SDK2: variants seen among roughly 807,000 people sequenced by gnomAD.
The protein encoded by SDK2 is sidekick cell adhesion molecule 2.
Under a neutral mutation model 253.9 loss-of-function variants are expected in SDK2, and 105 were observed. The observed-to-expected ratio is 0.41, with a 90% CI of 0.35 to 0.49. The LOEUF (loss-of-function observed/expected upper bound fraction) is 0.49, where lower values mean the gene tolerates loss of function less well. SDK2 is among the 20% of genes least tolerant of loss of function. The pLI, the probability that SDK2 is intolerant of heterozygous loss-of-function variation, is 0.06. For missense variants in SDK2, 2,608 were observed against 3,003.0 expected, an observed-to-expected ratio of 0.87 and a Z score of 3.07; for synonymous variants, 1,249 against 1,234.9, an observed-to-expected ratio of 1.01 and a Z score of -0.24.
Position 73,422,434 on chromosome 17 carries a change from T to A in SDK2, c.1898A>T (p.Asn633Ile), listed in dbSNP as rs1303580981. The change falls in exon 15 of 45, where the codon AAT (asparagine) becomes ATT (isoleucine). Residue 633 changes from asparagine (N) to isoleucine (I), a missense_variant and splice_region_variant. By Grantham distance (149) the Asn-to-Ile change is moderately radical (BLOSUM62 -3). Coordinates refer to ENST00000392650, the MANE Select transcript of SDK2 (RefSeq NM_001144952.2). ...GGCCAGGAGTACAGTCCAGGGGGCATCTGCAGGGACAGTGAGTGGGGCAGA... is the reference window on the plus strand; with the variant it reads ...GGCCAGGAGTACAGTCCAGGGGGCAACTGCAGGGACAGTGAGTGGGGCAGA... ...IRYILEMSEN[N>I]APWTVLLASV... 1 of 1,613,708 alleles carries A rather than the reference T, an allele frequency of 6.2e-7. No homozygotes were observed. Among genetic ancestry groups the A allele is most frequent in the South Asian group, 1.1e-5 (1 of 91,064 alleles).
intron 24 of SDK2, among the ~76,000 whole-genome samples, chr17:73,396,549 G>A (rs920233619): frequency 1.3e-5 from 2 of 152,280 alleles, no homozygotes; most frequent in South Asian, 2.1e-4. Flanking sequence ...TAGTGAAGCC[G>A]ACCAAAGACC....
Position 73,436,828 on chromosome 17 carries a change from T to C in SDK2, c.1000+911A>G, listed in dbSNP as rs561698626. On this transcript the variant is annotated intron_variant, in intron 8 of 44. Transcript: ENST00000392650. ...TCATAATTTAATTGGCTGCCTTTTT[T>C]CTTTCTTAGTGGTCCATAAAATAAT... is the stretch of plus-strand genomic sequence containing the variant. Among the ~76,000 whole-genome samples, 11 of 152,306 alleles carry C rather than the reference T, an allele frequency of 7.2e-5. No homozygotes were observed. The East Asian group carries it at 2.1e-3, about 29-fold the overall frequency.
At position 73,379,163 on chromosome 17, in the gene SDK2, C is replaced by G; in HGVS notation, c.4980+14G>C. The G allele has an allele frequency of 3.9e-6, 6 of 1,548,132 alleles. No individual in the cohort carries two copies. The highest frequency in any genetic ancestry group is 5.2e-6 in the Non-Finnish European group (6 of 1,143,298). ...CATCCGTGCACCCCTTTGCTCTGCC[C>G]GAGGGCACCCTACCTTGTACCCCTG... On this transcript the variant is annotated intron_variant, in intron 36 of 44. Coordinates refer to ENST00000392650, the MANE Select transcript of SDK2 (RefSeq NM_001144952.2). This position sits in a 1 kb window ranked among gnomAD's most constrained non-coding sequence, Gnocchi z 4.5.
chr17:73,361,241 C>A lies in SDK2; in HGVS notation c.5467+443G>T, dbSNP rs2062637280. Among the ~76,000 whole-genome samples the A allele has an allele frequency of 6.6e-6, 1 of 152,158 alleles. No individual in the cohort carries two copies. The highest frequency in any genetic ancestry group is 2.4e-5 in the African/African-American group (1 of 41,424). ...CACCCTGGGAACGTGCATTTTAGTG[C>A]GCCCTGCTCTGAGAACCGCTGCCTG... On this transcript the variant is annotated intron_variant, in intron 39 of 44. Coordinates refer to ENST00000392650, the MANE Select transcript of SDK2 (RefSeq NM_001144952.2). The surrounding 1 kb of genome is among the most constrained non-coding windows in gnomAD (Gnocchi z 4.1).
rs543580298 is a variant in SDK2 at position 73,435,322 on chromosome 17, C to T, written c.1195+128G>A. Reference sequence around the variant, plus strand: ...TGCCCCCAGGCTGCTGGGCAGCAGGCGGCCTTTGGGGATCCTATCTGCTTA... The same window carrying T: ...TGCCCCCAGGCTGCTGGGCAGCAGGTGGCCTTTGGGGATCCTATCTGCTTA... On this transcript the variant is annotated intron_variant, in intron 9 of 44. Coordinates refer to ENST00000392650, the MANE Select transcript of SDK2 (RefSeq NM_001144952.2). This position sits in a 1 kb window ranked among gnomAD's most constrained non-coding sequence, Gnocchi z 5.7. The T allele has an allele frequency of 1.0e-4, 90 of 895,802 alleles. 1 individual carries two copies. The South Asian group carries it at 1.2e-3, about 12-fold the overall frequency. 55.5% of individuals were successfully genotyped at this position (895,802 alleles called of 1,614,324 possible). A position where few individuals can be genotyped will look rare whatever the true frequency, so the allele number is the denominator to read the frequency against.
intron 1 of SDK2, among the ~76,000 whole-genome samples, chr17:73,530,069 C>T (rs962421158): frequency 2.6e-5 from 4 of 152,130 alleles, no homozygotes; most frequent in Admixed American, 6.5e-5. Flanking sequence ...GCATTCCAGT[C>T]GAACCCATAC....
At chr17:73,390,213 A>T in intron 29 of SDK2, 74 bp downstream of exon 29, 8 of 1,284,804 alleles carry the variant, frequency 6.2e-6, no homozygotes, top group Non-Finnish European at 6.3e-6. Context: ...GCCATCCACT[A>T]GGAACAGCTC....
Position 73,507,422 on chromosome 17 carries a change from G to C in SDK2, c.224+16C>G. On this transcript the variant is annotated intron_variant, in intron 2 of 44. Coordinates refer to ENST00000392650, the MANE Select transcript of SDK2 (RefSeq NM_001144952.2). Reference sequence around the variant, plus strand: ...GTCCTGGCAGCCAGGAGGAAGGGCGGGGAGGGGCAGTTTACCTGTATTCCA... The same window carrying C: ...GTCCTGGCAGCCAGGAGGAAGGGCGCGGAGGGGCAGTTTACCTGTATTCCA... 5.2e-6 allele frequency: 8 copies of C among 1,546,514 alleles called. No homozygotes were observed. Among genetic ancestry groups the C allele is most frequent in the Non-Finnish European group, 7.0e-6 (8 of 1,143,528 alleles).
chr17:73,606,711 G>C (rs943077268), intron 1 of SDK2, among the ~76,000 whole-genome samples: 1 of 152,168 alleles, frequency 6.6e-6, no homozygotes, highest in Non-Finnish European at 1.5e-5. Flanking sequence ...TATCCATGGA[G>C]AAAAAGCCAC....
chr17:73,530,609 G>A (rs1051258177), intron 1 of SDK2, among the ~76,000 whole-genome samples: 11 of 152,278 alleles, frequency 7.2e-5, no homozygotes, highest in South Asian at 4.1e-4. Context: ...TAAGCCCCTC[G>A]CAGGGGTGTA....
At chr17:73,377,163 G>C (rs1344988618) in intron 36 of SDK2, among the ~76,000 whole-genome samples, 3 of 151,570 alleles carry the variant, frequency 2.0e-5, no homozygotes, top group African/African-American at 7.3e-5. Context: ...GGCAGACACA[G>C]CTAAGGGTTA....
intron 3 of SDK2, among the ~76,000 whole-genome samples, chr17:73,463,108 G>A (rs2063574930): frequency 6.6e-6 from 1 of 152,104 alleles, no homozygotes; most frequent in Admixed American, 6.5e-5. Context: ...ACGATCCCCT[G>A]GGAAAACTCA....
intron 16 of SDK2, among the ~76,000 whole-genome samples, chr17:73,418,947 C>A (rs6501632): frequency 0.69 from 105,386 of 151,848 alleles, 37,488 homozygotes; most frequent in Non-Finnish European, 0.76. Flanking sequence ...TCCCCTCTCA[C>A]GCATTCCTCG....
intron 32 of SDK2, among the ~76,000 whole-genome samples, chr17:73,385,563 C>G (rs1271222933): frequency 6.6e-6 from 1 of 152,184 alleles, no homozygotes; most frequent in African/African-American, 2.4e-5. Flanking sequence ...GGGTCCCCTC[C>G]CTGAGTCTCA....
chr17:73,409,967 G>A (rs949956789), intron 18 of SDK2, among the ~76,000 whole-genome samples: 2 of 151,952 alleles, frequency 1.3e-5, no homozygotes, highest in African/African-American at 2.4e-5. Flanking sequence ...AATCCTCCCT[G>A]TCTTAGCCTC....
At chr17:73,339,213 G>GTTT in intron 44 of SDK2, among the ~76,000 whole-genome samples, 1 of 127,670 alleles carries the variant, frequency 7.8e-6, no homozygotes, top group East Asian at 2.1e-4. Flanking sequence ...GAAGACCTGA[G>GTTT]TTTTTTTTTG....
intron 39 of SDK2, among the ~76,000 whole-genome samples, chr17:73,359,129 C>T (rs988371502): frequency 8.5e-5 from 13 of 152,084 alleles, no homozygotes; most frequent in Non-Finnish European, 1.9e-4. Context: ...GTAGGTGCTT[C>T]CTCTGTGCTT....
chr17:73,528,210 T>C (rs931326047), intron 1 of SDK2, among the ~76,000 whole-genome samples: 7 of 152,212 alleles, frequency 4.6e-5, no homozygotes, highest in Admixed American at 4.6e-4. Context: ...TGCACACCTT[T>C]CAAAATTCCC....
At position 73,556,047 on chromosome 17, in the gene SDK2, G is replaced by A. The variant is rs182851471; in HGVS notation, c.65-48450C>T. ...GGGCTTTGGGAGACATGGGGGCACTGTCCATGGGGCTTGGGCTTGGGGTGG... is the reference window on the plus strand; with the variant it reads ...GGGCTTTGGGAGACATGGGGGCACTATCCATGGGGCTTGGGCTTGGGGTGG... On this transcript the variant is annotated intron_variant, in intron 1 of 44. Coordinates refer to ENST00000392650, the MANE Select transcript of SDK2 (RefSeq NM_001144952.2). Among the ~76,000 whole-genome samples, 616 of 152,224 alleles carry A rather than the reference G, an allele frequency of 4.0e-3. 7 individuals carry two copies. Among genetic ancestry groups the A allele is most frequent in the Admixed American group, 0.035 (539 of 15,284 alleles).
Sources: gnomAD v4.1 joint callset for allele counts (sites outside exome capture counted in the v4.1 genomes callset) on GRCh38, gnomAD v4.1.1 for gene constraint, Gnocchi (gnomAD v3.1) non-coding constraint, MANE v1.5 for transcripts, NCBI Gene and HGNC (gene_info 2026-07-23, HGNC 2026-07-21) for gene names.